Variants in MEI4 observed in about 807,000 individuals in gnomAD.
The protein encoded by MEI4 is meiosis-specific protein MEI4.
MEI4 carries 27 observed loss-of-function variants against 31.4 expected under a neutral mutation model. The observed-to-expected ratio is 0.86, with a 90% CI of 0.63 to 1.19. MEI4 has a LOEUF of 1.19. MEI4 is among the 50% of genes most tolerant of loss of function. The pLI is 0.00. For missense variants in MEI4, 329 were observed against 398.9 expected, an observed-to-expected ratio of 0.82 and a Z score of 1.49; for synonymous variants, 122 against 145.4, an observed-to-expected ratio of 0.84 and a Z score of 1.16.
chr6:77,803,410 G>A (rs1418457030), intron 3 of MEI4, among the ~76,000 whole-genome samples: 1 of 152,030 alleles, frequency 6.6e-6, no homozygotes, highest in Non-Finnish European at 1.5e-5. Flanking sequence ...CCTTGCCATG[G>A]GTTTGAACTT....
intron 1 of MEI4, among the ~76,000 whole-genome samples, chr6:77,684,075 AGAT>A (rs1189582340): frequency 6.6e-6 from 1 of 152,180 alleles, no homozygotes; most frequent in Non-Finnish European, 1.5e-5. Context: ...AACTTGGGTA[AGAT>A]GATATCTCAT....
intron 3 of MEI4, among the ~76,000 whole-genome samples, chr6:77,794,816 C>A (rs1399190840): frequency 1.3e-5 from 2 of 152,068 alleles, no homozygotes; most frequent in East Asian, 1.9e-4. Context: ...AAAAAACTTT[C>A]TTCACGATAG....
At chr6:77,765,157 C>A (rs1387933183) in intron 3 of MEI4, among the ~76,000 whole-genome samples, 2 of 152,106 alleles carry the variant, frequency 1.3e-5, no homozygotes, top group Non-Finnish European at 2.9e-5. Flanking sequence ...ATAAATGTGA[C>A]CACTTCATCG....
intron 3 of MEI4, among the ~76,000 whole-genome samples, chr6:77,800,285 G>A (rs1295842190): frequency 2.6e-5 from 4 of 151,868 alleles, no homozygotes; most frequent in African/African-American, 9.7e-5. Context: ...CTCATGATTC[G>A]GCTCTCTGTT....
chr6:77,923,042 GGTAATTTATACCCAA>G, intron 4 of MEI4, 32 bp from the exon 5 acceptor site: 1 of 1,159,842 alleles, frequency 8.6e-7, no homozygotes, highest in African/African-American at 1.6e-5. Context: ...ATTTTTCTTA[GGTAATTTATACCCAA>G]TTTTTTAAAG....
rs1028875239 is a variant in MEI4 at position 77,820,310 on chromosome 6, G to A, written c.769-8621G>A. On this transcript the variant is annotated intron_variant, in intron 3 of 4. Coordinates refer to ENST00000684080, the MANE Select transcript of MEI4 (RefSeq NM_001322247.2). This position sits in a 1 kb window ranked among gnomAD's most constrained non-coding sequence, Gnocchi z 4.5. ...GTTGCCCAGGCTGGAGGGCAATAGC[G>A]CGATCTTGGCTCACTTTGGCTCACT... Among the ~76,000 whole-genome samples the A allele has an allele frequency of 7.3e-5, 11 of 151,716 alleles. No individual in the cohort carries two copies. Among genetic ancestry groups the A allele is most frequent in the South Asian group, 2.1e-4 (1 of 4,820 alleles).
chr6:77,742,844 G>T (rs1258683534), intron 2 of MEI4, among the ~76,000 whole-genome samples: 1 of 151,986 alleles, frequency 6.6e-6, no homozygotes, highest in Non-Finnish European at 1.5e-5. Context: ...CATATGGCTA[G>T]CCAGTTTTCC....
chr6:77,764,932 A>G (rs538162186), intron 3 of MEI4, among the ~76,000 whole-genome samples: 1 of 152,314 alleles, frequency 6.6e-6, no homozygotes, highest in East Asian at 1.9e-4. Context: ...AACAGAATTT[A>G]CCGAAACCTA....
At chr6:77,889,515 A>G (rs868665411) in intron 4 of MEI4, among the ~76,000 whole-genome samples, 5 of 152,316 alleles carry the variant, frequency 3.3e-5, no homozygotes, top group Middle Eastern at 3.4e-3. Flanking sequence ...GCAGCAAATC[A>G]TTCAAGAGGT....
chr6:77,826,615 G>A (rs963283624), intron 3 of MEI4, among the ~76,000 whole-genome samples: 4 of 152,082 alleles, frequency 2.6e-5, no homozygotes, highest in Non-Finnish European at 4.4e-5. Flanking sequence ...GCATTGTGTC[G>A]TTTTCTTAGT....
At chr6:77,777,345 G>A (rs1768477673) in intron 3 of MEI4, among the ~76,000 whole-genome samples, 1 of 152,092 alleles carries the variant, frequency 6.6e-6, no homozygotes. Context: ...AGTTACCTCT[G>A]GAAGAGAGAA....
chr6:77,730,784 C>A (rs1399936460), intron 2 of MEI4, among the ~76,000 whole-genome samples: 1 of 127,404 alleles, frequency 7.8e-6, no homozygotes, highest in Non-Finnish European at 1.6e-5. Context: ...CCCCTCCCCC[C>A]ACCCCAAAAC....
rs540075304 is a variant in MEI4 at position 77,790,000 on chromosome 6, C to G, written c.768+28335C>G. 1.4e-3 allele frequency among the ~76,000 whole-genome samples: 213 copies of G among 152,056 alleles called. 1 individual carries two copies. The highest frequency in any genetic ancestry group is 4.5e-3 in the African/African-American group (187 of 41,468). ...ATTCACAATAGCAAAGTCTTGGAAC[C>G]AAGCCAAATGTCCAACAATGATAGA... On this transcript the variant is annotated intron_variant, in intron 3 of 4. Transcript: ENST00000684080.
At chr6:77,910,248 G>A (rs1402736862) in intron 4 of MEI4, among the ~76,000 whole-genome samples, 2 of 152,082 alleles carry the variant, frequency 1.3e-5, no homozygotes, top group Non-Finnish European at 2.9e-5. Context: ...CATTCAATTA[G>A]GAAAAGAGGA....
At chr6:77,786,079 TA>T (rs1275098184) in intron 3 of MEI4, among the ~76,000 whole-genome samples, 1 of 152,106 alleles carries the variant, frequency 6.6e-6, no homozygotes, top group African/African-American at 2.4e-5. Flanking sequence ...TATTCCTGTT[TA>T]AAAAAATTAA....
intron 2 of MEI4, among the ~76,000 whole-genome samples, chr6:77,693,911 G>C (rs764661978): frequency 1.1e-4 from 16 of 152,050 alleles, no homozygotes; most frequent in Non-Finnish European, 2.1e-4. Context: ...AGTGTGTAGA[G>C]ACAGAAAGTA....
rs531620226 is a variant in MEI4 at position 77,716,876 on chromosome 6, A to G, written c.232+25973A>G. On this transcript the variant is annotated intron_variant, in intron 2 of 4. Coordinates refer to ENST00000684080, the MANE Select transcript of MEI4 (RefSeq NM_001322247.2). ...GAGATGTCAAGCAAGGTAGAAAATG[A>G]TGACTGTCCATTTAAGTGACCAGGA... 42 of 983,496 alleles carry G rather than the reference A, an allele frequency of 4.3e-5. No homozygotes were observed. The South Asian group carries it at 1.7e-3, about 41-fold the overall frequency. The allele number at this position is 983,496 out of a possible 1,614,324, so 60.9% of individuals were successfully genotyped here. A position where few individuals can be genotyped will look rare whatever the true frequency, so the allele number is the denominator to read the frequency against.
intron 3 of MEI4, among the ~76,000 whole-genome samples, chr6:77,788,484 G>GT (rs1205371729): frequency 1.3e-5 from 2 of 152,174 alleles, no homozygotes; most frequent in African/African-American, 4.8e-5. Flanking sequence ...CAGATTACTT[G>GT]ATTGTATATC....
intron 2 of MEI4, among the ~76,000 whole-genome samples, chr6:77,742,438 C>T (rs1767436467): frequency 2.6e-5 from 4 of 152,074 alleles, no homozygotes. Context: ...AGTGTCTGTT[C>T]ATGTCCTTTG....
Sources: gnomAD v4.1 joint callset for allele counts (sites outside exome capture counted in the v4.1 genomes callset) on GRCh38, gnomAD v4.1.1 for gene constraint, Gnocchi (gnomAD v3.1) non-coding constraint, MANE v1.5 for transcripts, NCBI Gene and HGNC (gene_info 2026-07-23, HGNC 2026-07-21) for gene names.